LPGAT1: variants seen among roughly 807,000 people sequenced by gnomAD.
The protein encoded by LPGAT1 is lysophosphatidylglycerol acyltransferase 1, also known as acyl-CoA:lysophosphatidylglycerol acyltransferase 1.
A neutral mutation model predicts 47.5 loss-of-function variants in LPGAT1; 11 were observed. The ratio of observed to expected loss-of-function variants is 0.23; its 90% CI spans 0.15 to 0.38. LPGAT1 has a LOEUF of 0.38. Among genes scored for constraint, LPGAT1 ranks in the 10% least tolerant of loss-of-function variants. LPGAT1 has a pLI of 1.00. For synonymous variants in LPGAT1, 138 were observed against 144.2 expected (o/e 0.96, Z 0.31); for missense variants, 293 against 439.0 (o/e 0.67, Z 2.97).
chr1:211,762,700 T>C (rs1327454349), intron 6 of LPGAT1, among the ~76,000 whole-genome samples: 2 of 152,162 alleles, frequency 1.3e-5, no homozygotes, highest in African/African-American at 2.4e-5. Flanking sequence ...ATTCTTATTA[T>C]CAGTAATTCA....
chr1:211,828,555 CAAAA>C (rs1336349820), intron 2 of LPGAT1, among the ~76,000 whole-genome samples: 1 of 152,060 alleles, frequency 6.6e-6, no homozygotes, highest in East Asian at 1.9e-4. Context: ...TTCTAATAAA[CAAAA>C]GAAACATACG....
At chr1:211,776,391 G>A (rs1658401358) in intron 6 of LPGAT1, among the ~76,000 whole-genome samples, 1 of 152,052 alleles carries the variant, frequency 6.6e-6, no homozygotes, top group Non-Finnish European at 1.5e-5. Flanking sequence ...ACAAAAATTA[G>A]CCAGGCATGG....
chr1:211,826,215 A>G (rs12138188), intron 2 of LPGAT1, among the ~76,000 whole-genome samples: 12,721 of 152,288 alleles, frequency 0.084, 653 homozygotes, highest in Admixed American at 0.15. Context: ...AGAAGCATGT[A>G]TGAATTTACA....
intron 2 of LPGAT1, among the ~76,000 whole-genome samples, chr1:211,808,672 G>A (rs1448926920): frequency 6.6e-6 from 1 of 152,162 alleles, no homozygotes; most frequent in Non-Finnish European, 1.5e-5. Flanking sequence ...AGTTTCTCAT[G>A]AAGTTAAACA....
intron 2 of LPGAT1, among the ~76,000 whole-genome samples, chr1:211,825,258 C>G (rs1660512236): frequency 8.6e-6 from 1 of 116,922 alleles, no homozygotes; most frequent in Admixed American, 1.2e-4. Context: ...GTGGCATGAT[C>G]ACAGCTCACT....
chr1:211,766,988 G>A (rs1657945896), intron 6 of LPGAT1, among the ~76,000 whole-genome samples: 1 of 148,340 alleles, frequency 6.7e-6, no homozygotes, highest in South Asian at 2.2e-4. Context: ...TCCAATTAGA[G>A]AATAGAAATT....
At position 211,830,107 on chromosome 1, in the gene LPGAT1, G is replaced by A; in HGVS notation, c.-28+466C>T. 2.0e-6 allele frequency: 2 copies of A among 984,610 alleles called. No homozygotes were observed. Among genetic ancestry groups the A allele is most frequent in the Non-Finnish European group, 2.4e-6 (2 of 829,718 alleles). The allele number at this position is 984,610 out of a possible 1,614,324, so 61.0% of individuals were successfully genotyped here. On this transcript the variant is annotated intron_variant, in intron 1 of 7. Transcript: ENST00000366997. This position sits in a 1 kb window ranked among gnomAD's most constrained non-coding sequence, Gnocchi z 5.9. ...AGAAGAGGCGACCGCAGCGCGGGGA[G>A]CCGGTGGAGCCTGCAGCGGTTTCCG...
intron 1 of LPGAT1, chr1:211,829,994 G>A (rs1660673604): frequency 1.0e-6 from 1 of 985,846 alleles, no homozygotes; most frequent in East Asian, 1.1e-4. Flanking sequence ...GCAAAAGCCA[G>A]AAAGAGGTAA....
rs1660708654 is a variant in LPGAT1 at position 211,830,679 on chromosome 1, C to G, written c.-134G>C. ...AGAAGGCGGTGGCGGGGCCCTGCCC[C>G]GCTCCGGCTGTGGCGCGGCCCGCGC... On this transcript the variant is annotated 5_prime_UTR_variant, in exon 1 of 8. Transcript: ENST00000366997. The surrounding 1 kb of genome is among the most constrained non-coding windows in gnomAD (Gnocchi z 5.9). 8.4e-7 allele frequency: 1 copy of G among 1,191,342 alleles called. No homozygotes were observed. The highest frequency in any genetic ancestry group is 1.0e-6 in the Non-Finnish European group (1 of 964,352). The allele number at this position is 1,191,342 out of a possible 1,614,324, so 73.8% of individuals were successfully genotyped here.
intron 3 of LPGAT1, 70 bp from the exon 4 acceptor site, chr1:211,787,797 A>C (rs755592893): frequency 1.5e-4 from 129 of 865,918 alleles, no homozygotes; most frequent in Non-Finnish European, 2.2e-4. Context: ...TGAGTCTCCA[A>C]GCTTTAAATA....
At chr1:211,754,971 G>A (rs1484387204) in intron 6 of LPGAT1, among the ~76,000 whole-genome samples, 5 of 146,280 alleles carry the variant, frequency 3.4e-5, no homozygotes, top group Admixed American at 7.0e-5. Context: ...CCGCAATGGC[G>A]CCACTGCACT....
chr1:211,785,953 T>C (rs578007453), intron 4 of LPGAT1, among the ~76,000 whole-genome samples: 140 of 152,266 alleles, frequency 9.2e-4, no homozygotes, highest in Admixed American at 3.3e-3. Flanking sequence ...ACTGTTACAC[T>C]ACACTGTAAA....
chr1:211,826,695 T>C lies in LPGAT1; in HGVS notation c.238+2364A>G, dbSNP rs575140766. ...TATATATATATATATATTCATTCTA[T>C]ACCAATATACCAATATTCAATTTTT... On this transcript the variant is annotated intron_variant, in intron 2 of 7. Coordinates refer to ENST00000366997, the MANE Select transcript of LPGAT1 (RefSeq NM_014873.3). Among the ~76,000 whole-genome samples, 209 of 151,866 alleles carry C rather than the reference T, an allele frequency of 1.4e-3. 6 individuals carry two copies. The highest frequency in any genetic ancestry group is 3.4e-3 in the Middle Eastern group (1 of 292).
rs1235984880 is a variant in LPGAT1 at position 211,747,526 on chromosome 1, G to A, written c.*2373C>T. 1 of 152,156 alleles carries A rather than the reference G, an allele frequency of 6.6e-6. No individual in the cohort carries two copies. The highest frequency in any genetic ancestry group is 2.4e-5 in the African/African-American group (1 of 41,432). The allele number at this position is 152,156 out of a possible 1,614,324, so 9.4% of individuals were successfully genotyped here. A position where few individuals can be genotyped will look rare whatever the true frequency, so the allele number is the denominator to read the frequency against. ...ACAGTGATGGCAAAAGTGGCCCTCA[G>A]CCACATTTATGTATGCATGTTCGCA... is the stretch of plus-strand genomic sequence containing the variant. On this transcript the variant is annotated 3_prime_UTR_variant, in exon 8 of 8. Coordinates refer to ENST00000366997, the MANE Select transcript of LPGAT1 (RefSeq NM_014873.3).
intron 6 of LPGAT1, among the ~76,000 whole-genome samples, chr1:211,751,883 T>C (rs1657202222): frequency 6.6e-6 from 1 of 151,974 alleles, no homozygotes; most frequent in Non-Finnish European, 1.5e-5. Flanking sequence ...GAATTGATTA[T>C]CACCTCTTTT....
At chr1:211,792,871 CCA>C (rs1368268362) in intron 3 of LPGAT1, among the ~76,000 whole-genome samples, 199 bp downstream of exon 3, 1 of 151,896 alleles carries the variant, frequency 6.6e-6, no homozygotes, top group African/African-American at 2.4e-5. Context: ...ACCACCACGC[CCA>C]GCTAATTTCT....
At chr1:211,818,178 A>G (rs1347461942) in intron 2 of LPGAT1, among the ~76,000 whole-genome samples, 2 of 152,196 alleles carry the variant, frequency 1.3e-5, no homozygotes, top group Non-Finnish European at 2.9e-5. Flanking sequence ...CTTAGGCACT[A>G]CTAGGGCATA....
At chr1:211,750,881 A>G in intron 7 of LPGAT1, 80 bp downstream of exon 7, 3 of 1,029,564 alleles carry the variant, frequency 2.9e-6, no homozygotes, top group Non-Finnish European at 4.4e-6. Context: ...TTCAAGATCT[A>G]ATATGCAAAC....
chr1:211,793,090 G>A lies in LPGAT1; in HGVS notation c.339C>T (p.Cys113=). The A allele has an allele frequency of 6.3e-7, 1 of 1,595,268 alleles. No homozygotes were observed. Among genetic ancestry groups the A allele is most frequent in the Non-Finnish European group, 8.5e-7 (1 of 1,170,842 alleles). ...ATGDVCTLMM[C]LQDKGLVVAQ... is the part of the protein sequence containing the mutation. Reference sequence around the variant, plus strand: ...AGCTTACCAGTCCTTTGTCCTGGAGGCACATCATCAGTGTGCACACATCTC... The same window carrying A: ...AGCTTACCAGTCCTTTGTCCTGGAGACACATCATCAGTGTGCACACATCTC... The change falls in exon 3 of 8, where the codon TGC becomes TGT. Residue 113 remains cysteine (C), a synonymous_variant. Coordinates refer to ENST00000366997, the MANE Select transcript of LPGAT1 (RefSeq NM_014873.3).
Sources: gnomAD v4.1 joint callset for allele counts (sites outside exome capture counted in the v4.1 genomes callset) on GRCh38, gnomAD v4.1.1 for gene constraint, Gnocchi (gnomAD v3.1) non-coding constraint, MANE v1.5 for transcripts, NCBI Gene and HGNC (gene_info 2026-07-23, HGNC 2026-07-21) for gene names.